PTPRG: variants seen among roughly 807,000 people sequenced by gnomAD.
PTPRG encodes the protein protein tyrosine phosphatase receptor type G, also known as receptor-type tyrosine-protein phosphatase gamma.
PTPRG carries 102 observed loss-of-function variants against 165.3 expected under a neutral mutation model. That is an observed-to-expected ratio of 0.62 (90% CI 0.53 to 0.73). The LOEUF (loss-of-function observed/expected upper bound fraction) is 0.73, where lower values mean the gene tolerates loss of function less well. PTPRG is among the 30% of genes least tolerant of loss of function. The pLI, the probability that PTPRG is intolerant of heterozygous loss-of-function variation, is 0.00. For missense variants in PTPRG, 1,866 were observed against 1,861.4 expected (o/e 1.00, Z -0.05); for synonymous variants, 675 against 669.5 (o/e 1.01, Z -0.13).
chr3:61,609,607 T>C (rs1006876699), intron 1 of PTPRG, among the ~76,000 whole-genome samples: 10 of 152,058 alleles, frequency 6.6e-5, no homozygotes, highest in African/African-American at 2.4e-4. Flanking sequence ...CTGTAATCCT[T>C]GCACTTCGTG....
At chr3:61,915,422 T>G (rs879686538) in intron 2 of PTPRG, among the ~76,000 whole-genome samples, 3 of 152,206 alleles carry the variant, frequency 2.0e-5, no homozygotes, top group Non-Finnish European at 4.4e-5. Flanking sequence ...TTCTGTTGAC[T>G]TCAATATGGC....
intron 1 of PTPRG, among the ~76,000 whole-genome samples, chr3:61,682,602 C>T (rs1703489007): frequency 6.6e-6 from 1 of 152,126 alleles, no homozygotes; most frequent in African/African-American, 2.4e-5. Flanking sequence ...TGGATTTTTT[C>T]CAATTAGTTT....
intron 1 of PTPRG, among the ~76,000 whole-genome samples, chr3:61,727,963 T>C (rs1447507490): frequency 6.6e-6 from 1 of 152,252 alleles, no homozygotes; most frequent in African/African-American, 2.4e-5. Flanking sequence ...GCAAAGCACT[T>C]TACCAGCTGG....
At chr3:62,281,539 T>C (rs1576219247) in intron 26 of PTPRG, 24 bp from the exon 27 acceptor site, 1 of 1,038,216 alleles carries the variant, frequency 9.6e-7, no homozygotes, top group South Asian at 1.9e-5. Flanking sequence ...CTGCAGAGGC[T>C]TTTTTTTTTT....
intron 6 of PTPRG, among the ~76,000 whole-genome samples, chr3:62,137,694 T>A (rs1450277823): frequency 6.6e-6 from 1 of 152,066 alleles, no homozygotes; most frequent in Non-Finnish European, 1.5e-5. Flanking sequence ...GGGAAGTGCT[T>A]TGGAGCTTCT....
intron 1 of PTPRG, among the ~76,000 whole-genome samples, chr3:61,710,946 G>A (rs1328700726): frequency 0.011 from 1,621 of 151,608 alleles, 36 homozygotes; most frequent in African/African-American, 0.036. Context: ...GAGAGGCCCT[G>A]GTGTGTGATG....
chr3:61,760,071 A>C (rs2033782379), intron 2 of PTPRG, among the ~76,000 whole-genome samples: 1 of 152,204 alleles, frequency 6.6e-6, no homozygotes, highest in Middle Eastern at 3.4e-3. Context: ...TTAAAGAAAA[A>C]TTTTATCTAA....
At chr3:62,096,709 A>G (rs965730961) in intron 5 of PTPRG, among the ~76,000 whole-genome samples, 1 of 152,232 alleles carries the variant, frequency 6.6e-6, no homozygotes, top group Non-Finnish European at 1.5e-5. Flanking sequence ...TGTCTAATAC[A>G]TAAAAATGAC....
At chr3:62,047,548 C>A (rs1324391518) in intron 4 of PTPRG, among the ~76,000 whole-genome samples, 1 of 152,182 alleles carries the variant, frequency 6.6e-6, no homozygotes, top group African/African-American at 2.4e-5. Flanking sequence ...AGGCGTGAGC[C>A]ACCATGCCCA....
At chr3:61,878,320 T>C (rs760054388) in intron 2 of PTPRG, among the ~76,000 whole-genome samples, 14 of 152,210 alleles carry the variant, frequency 9.2e-5, no homozygotes, top group Non-Finnish European at 1.2e-4. Context: ...TTATATGAGC[T>C]GGTAGGATTT....
At position 61,945,560 on chromosome 3, in the gene PTPRG, CAAAAAAA is replaced by C. The variant is rs71123242; in HGVS notation, c.191-44042_191-44036del. ...GGCAATAGGAATGAAACTCCGTCACCAAAAAAAAAAAAAAAAAAAAAAAAAAAAATGG... is the reference window on the plus strand; with the variant it reads ...GGCAATAGGAATGAAACTCCGTCACCAAAAAAAAAAAAAAAAAAAAAATGG... On this transcript the variant is annotated intron_variant, in intron 2 of 29. Coordinates refer to ENST00000474889, the MANE Select transcript of PTPRG (RefSeq NM_002841.4). Among the ~76,000 whole-genome samples, 163 of 55,458 alleles carry C rather than the reference CAAAAAAA, an allele frequency of 2.9e-3. 1 individual carries two copies. The highest frequency in any genetic ancestry group is 0.01 in the African/African-American group (147 of 14,334). 36.4% of individuals were successfully genotyped at this position (55,458 alleles called of 152,430 possible).
intron 4 of PTPRG, among the ~76,000 whole-genome samples, chr3:62,040,156 C>T (rs1700078735): frequency 6.6e-6 from 1 of 152,198 alleles, no homozygotes; most frequent in Non-Finnish European, 1.5e-5. Context: ...AAGACTCCTC[C>T]TAATGAACAT....
intron 2 of PTPRG, among the ~76,000 whole-genome samples, chr3:61,872,189 C>T (rs1323786193): frequency 2.0e-5 from 3 of 152,176 alleles, no homozygotes; most frequent in Non-Finnish European, 2.9e-5. Context: ...TTCTCTACTA[C>T]AGCTACTGTT....
rs763479986 is a variant in PTPRG, at chr3:62,203,741, C to T, written c.1946C>T (p.Thr649Ile). 2 of 1,601,124 alleles carry T rather than the reference C, an allele frequency of 1.2e-6. No individual in the cohort carries two copies. The highest frequency in any genetic ancestry group is 1.3e-5 in the African/African-American group (1 of 74,900). ...QTIPGHEQDHTAVPTDQTGGR... is the reference protein window; with the variant it reads ...QTIPGHEQDHIAVPTDQTGGR... ...ATACCTGGGCATGAGCAGGATCACA[C>T]TGCCGTCCCCACAGACCAGACGGGC... The change falls in exon 12 of 30, where the codon ACT (threonine) becomes ATT (isoleucine). Residue 649 changes from threonine to isoleucine, a missense_variant. Physicochemically the swap from Thr to Ile is moderately conservative, Grantham distance 89. Coordinates refer to ENST00000474889, the MANE Select transcript of PTPRG (RefSeq NM_002841.4). The surrounding 1 kb of genome is among the most constrained non-coding windows in gnomAD (Gnocchi z 6.4).
At chr3:62,291,732 T>C (rs1343484227) in intron 28 of PTPRG, among the ~76,000 whole-genome samples, 2 of 152,168 alleles carry the variant, frequency 1.3e-5, no homozygotes, top group Non-Finnish European at 2.9e-5. Flanking sequence ...TGTTTTCTCA[T>C]CACTAATGTG....
chr3:61,711,186 G>T (rs2031534566), intron 1 of PTPRG, among the ~76,000 whole-genome samples: 1 of 152,146 alleles, frequency 6.6e-6, no homozygotes, highest in South Asian at 2.1e-4. Context: ...AGACATTTGG[G>T]TTGGTTCCAA....
intron 4 of PTPRG, among the ~76,000 whole-genome samples, chr3:62,049,912 G>A (rs17065783): frequency 0.25 from 37,319 of 152,112 alleles, 4,741 homozygotes; most frequent in Admixed American, 0.3. Context: ...AAAAACATCA[G>A]AAAATGGTGT....
chr3:61,823,559 CATTTTGGGTGTA>C (rs538012701), intron 2 of PTPRG, among the ~76,000 whole-genome samples: 36,924 of 151,852 alleles, frequency 0.24, 4,664 homozygotes, highest in East Asian at 0.29. Flanking sequence ...ATGTGTTATG[CATTTTGGGTGTA>C]ACAAATTTAT....
intron 4 of PTPRG, among the ~76,000 whole-genome samples, chr3:62,057,776 A>T (rs1467953901): frequency 6.6e-6 from 1 of 152,036 alleles, no homozygotes; most frequent in South Asian, 2.1e-4. Context: ...ATGCCCAAGA[A>T]CTCCAAATGG....
Sources: gnomAD v4.1 joint callset for allele counts (sites outside exome capture counted in the v4.1 genomes callset) on GRCh38, gnomAD v4.1.1 for gene constraint, Gnocchi (gnomAD v3.1) non-coding constraint, MANE v1.5 for transcripts, NCBI Gene and HGNC (gene_info 2026-07-23, HGNC 2026-07-21) for gene names.